Variants in ZNF540 observed in about 807,000 individuals in gnomAD.
ZNF540 encodes CTD-3064H18.6.
ZNF540 carries 3 observed loss-of-function variants against 11.8 expected under a neutral mutation model. That is an observed-to-expected ratio of 0.25 (90% CI 0.12 to 0.65). The LOEUF is 0.65. Ranked by LOEUF, ZNF540 falls within the 30% of genes least tolerant of loss-of-function variation. The pLI, the probability that ZNF540 is intolerant of heterozygous loss-of-function variation, is 0.83. For missense variants in ZNF540, 709 were observed against 793.1 expected (o/e 0.89, Z 1.27); for synonymous variants, 247 against 259.0 (o/e 0.95, Z 0.45).
intron 1 of ZNF540, among the ~76,000 whole-genome samples, chr19:37,568,324 C>G (rs1212198628): frequency 6.6e-6 from 1 of 150,726 alleles, no homozygotes; most frequent in African/African-American, 2.4e-5. Flanking sequence ...ACTACCCCCC[C>G]CCACTTGCCA....
chr19:37,592,087 G>A (rs1354107059), upstream of ZNF540, among the ~76,000 whole-genome samples: 4 of 151,582 alleles, frequency 2.6e-5, no homozygotes, highest in African/African-American at 9.7e-5. Flanking sequence ...GTGAAACCCC[G>A]TCTCTACTAA....
intron 1 of ZNF540, among the ~76,000 whole-genome samples, chr19:37,561,113 C>T (rs1245525549): frequency 6.8e-6 from 1 of 147,858 alleles, no homozygotes; most frequent in Non-Finnish European, 1.5e-5. Context: ...TGGTGGTGCA[C>T]ACCTATAGTC....
chr19:37,570,488 AT>A (rs1284254756), intron 1 of ZNF540, among the ~76,000 whole-genome samples: 2 of 152,364 alleles, frequency 1.3e-5, no homozygotes, highest in East Asian at 1.9e-4. Context: ...ATACAAAAAA[AT>A]ATACTCAATG....
At chr19:37,573,799 C>T (rs980221926) in intron 1 of ZNF540, among the ~76,000 whole-genome samples, 1 of 150,286 alleles carries the variant, frequency 6.7e-6, no homozygotes, top group Non-Finnish European at 1.5e-5. Flanking sequence ...TGCCACTGCA[C>T]TCCAGTCTGC....
At chr19:37,589,989 A>G (rs568975325), upstream of ZNF540, among the ~76,000 whole-genome samples, 36 of 152,142 alleles carry the variant, frequency 2.4e-4, no homozygotes, top group South Asian at 7.5e-3. Context: ...CAGGATCACA[A>G]AGGATCAAAG....
rs569354111 is a variant in ZNF540 at position 37,556,568 on chromosome 19, T to G, written c.-73+4903T>G. 2.0e-5 allele frequency among the ~76,000 whole-genome samples: 3 copies of G among 152,356 alleles called. No homozygotes were observed. In the East Asian group the frequency reaches 5.8e-4, roughly 29 times the overall value. Reference sequence around the variant, plus strand: ...ACTTTTTAACAAACACTAGGTCTCCTGGCTGGAACGAATGGCAGGACCCTG... The same window carrying G: ...ACTTTTTAACAAACACTAGGTCTCCGGGCTGGAACGAATGGCAGGACCCTG... On this transcript the variant is annotated intron_variant, in intron 1 of 4. Transcript: ENST00000592533.
rs2306203 is a variant in ZNF540, at chr19:37,583,716, G to A, written c.-72-14660G>A. The stretch of plus-strand genomic sequence containing the variant: ...TACAGCTTAAAAGAAAGGAAATGGT[G>A]CATGGTCATGCTAGGGGATTCCCAG... On this transcript the variant is annotated intron_variant, in intron 1 of 4. Coordinates refer to the ZNF540 transcript ENST00000592533. The A allele has an allele frequency of 2.3e-3, 800 of 351,042 alleles. 17 individuals carry two copies. The East Asian group carries it at 0.043, about 19-fold the overall frequency. 21.7% of individuals were successfully genotyped at this position (351,042 alleles called of 1,614,324 possible).
rs557893678 is a variant in ZNF540, at chr19:37,581,087, C to A, written c.-72-17289C>A. Among the ~76,000 whole-genome samples, 78 of 152,156 alleles carry A rather than the reference C, an allele frequency of 5.1e-4. No homozygotes were observed. In the Middle Eastern group the frequency reaches 0.01, roughly 20 times the overall value. On this transcript the variant is annotated intron_variant, in intron 1 of 4. Transcript: ENST00000592533. ...TTGAAATATGCCTATTCTTAAAATC[C>A]ATCACCAAAGAACACTGAAGCCTTA...
upstream of ZNF540, among the ~76,000 whole-genome samples, chr19:37,590,769 T>A (rs1174143204): frequency 6.6e-6 from 1 of 152,148 alleles, no homozygotes; most frequent in Non-Finnish European, 1.5e-5. Flanking sequence ...ATAAAAATTT[T>A]AAAAAACCAA....
At chr19:37,585,739 T>C (rs980849929) in intron 1 of ZNF540, 1 of 152,200 alleles carries the variant, frequency 6.6e-6, no homozygotes, top group East Asian at 1.9e-4. Flanking sequence ...ACAAAACCTA[T>C]GTATACCTTA....
intron 4 of ZNF540, among the ~76,000 whole-genome samples, chr19:37,604,251 T>G (rs934638065): frequency 2.5e-4 from 38 of 151,460 alleles, no homozygotes; most frequent in African/African-American, 8.7e-4. Flanking sequence ...ATATACAGGA[T>G]TATTTTGTTT....
At chr19:37,563,108 G>A (rs186921012) in intron 1 of ZNF540, 2 of 152,244 alleles carry the variant, frequency 1.3e-5, no homozygotes, top group African/African-American at 4.8e-5. Context: ...GCAGGTAGAT[G>A]CTTGAGCCTA....
intron 1 of ZNF540, chr19:37,554,785 G>C: frequency 6.6e-6 from 1 of 152,128 alleles, no homozygotes; most frequent in Non-Finnish European, 1.5e-5. Context: ...ACTTTGAGAC[G>C]AATTAAGAGT....
intron 1 of ZNF540, among the ~76,000 whole-genome samples, chr19:37,580,908 T>TA (rs1425764048): frequency 6.6e-6 from 1 of 152,228 alleles, no homozygotes; most frequent in Non-Finnish European, 1.5e-5. Flanking sequence ...TCCTTTATAG[T>TA]AACACAGTAT....
intron 3 of ZNF540, 22 bp from the exon 4 acceptor site, chr19:37,600,983 ATTCTT>A (rs2044034597): frequency 6.6e-7 from 1 of 1,524,716 alleles, no homozygotes; most frequent in Non-Finnish European, 8.9e-7. Context: ...ATTTCTATAT[ATTCTT>A]TTATTTCTTT....
At chr19:37,593,125 G>GT (rs767668305), upstream of ZNF540, among the ~76,000 whole-genome samples, 1,895 of 146,316 alleles carry the variant, frequency 0.013, 23 homozygotes, top group African/African-American at 0.024. Context: ...CTTATTGTTA[G>GT]TTTTTTTTTT....
chr19:37,612,843 G>A lies in ZNF540; in HGVS notation c.1563G>A (p.Lys521=). 1 of 1,613,492 alleles carries A rather than the reference G, an allele frequency of 6.2e-7. No individual in the cohort carries two copies. Among genetic ancestry groups the A allele is most frequent in the Non-Finnish European group, 8.5e-7 (1 of 1,179,830 alleles). ...ACCAGAGAATTCACACTGGTGAAAA[G>A]CCCTATAAATGTAAAGAATGTGGAA... ...TEHQRIHTGE[K]PYKCKECGKA... Residue 521 remains lysine (K), a synonymous_variant, in exon 5 of 5, where the codon AAG becomes AAA. Coordinates refer to ENST00000316433, the MANE Select transcript of ZNF540 (RefSeq NM_001172225.3).
chr19:37,588,022 C>T (rs986063072), intron 1 of ZNF540, among the ~76,000 whole-genome samples: 7 of 131,898 alleles, frequency 5.3e-5, no homozygotes, highest in Non-Finnish European at 6.2e-5. Flanking sequence ...ATCACTTGTA[C>T]GCGGGAGGTG....
At position 37,601,123 on chromosome 19, in the gene ZNF540, C is replaced by G; in HGVS notation, c.232+18C>G. On this transcript the variant is annotated intron_variant, in intron 4 of 4. Coordinates refer to ENST00000316433, the MANE Select transcript of ZNF540 (RefSeq NM_001172225.3). ...GTGCCCCGGTGAGTTGAGAGTTCATCAGGCAGATGGAAGCCCTCATTGCCA... is the reference window on the plus strand; with the variant it reads ...GTGCCCCGGTGAGTTGAGAGTTCATGAGGCAGATGGAAGCCCTCATTGCCA... 6.4e-7 allele frequency: 1 copy of G among 1,557,970 alleles called. No individual in the cohort carries two copies. Among genetic ancestry groups the G allele is most frequent in the Non-Finnish European group, 8.7e-7 (1 of 1,149,768 alleles).
Sources: allele counts gnomAD v4.1 joint callset (sites outside exome capture counted in the v4.1 genomes callset), GRCh38; gene constraint gnomAD v4.1.1; transcripts MANE v1.5; gene names NCBI Gene and HGNC (gene_info 2026-07-23, HGNC 2026-07-21).